The following CELF2 variants were observed in gnomAD, a reference collection of about 807,000 sequenced individuals.
CELF2 encodes CUG triplet repeat RNA-binding protein 2.
CELF2 carries 8 observed loss-of-function variants against 62.6 expected under a neutral mutation model. That is an observed-to-expected ratio of 0.13 (90% CI 0.07 to 0.23). CELF2 has a LOEUF of 0.23. CELF2 is among the 10% of genes least tolerant of loss of function. The pLI, the probability that CELF2 is intolerant of heterozygous loss-of-function variation, is 1.00. For missense variants in CELF2, 333 were observed against 671.0 expected (o/e 0.50, Z 5.56); for synonymous variants, 258 against 250.0 (o/e 1.03, Z -0.30).
chr10:11,228,590 A>C (rs2067393629), intron 3 of CELF2, among the ~76,000 whole-genome samples: 1 of 152,116 alleles, frequency 6.6e-6, no homozygotes. Flanking sequence ...CTGACTTACA[A>C]TTTACTAATA....
the CELF2 span, among the ~76,000 whole-genome samples, chr10:10,552,969 A>C: frequency 6.6e-6 from 1 of 152,140 alleles, no homozygotes; most frequent in Non-Finnish European, 1.5e-5. Context: ...TCCTCTCAGC[A>C]AGGGGGCATG....
intron 2 of CELF2, among the ~76,000 whole-genome samples, chr10:10,979,073 C>A (rs1331587609): frequency 6.6e-6 from 1 of 152,180 alleles, no homozygotes; most frequent in Admixed American, 6.5e-5. Flanking sequence ...TCCACCCCTG[C>A]CTCTCATTCT....
chr10:10,566,622 A>T, the CELF2 span, among the ~76,000 whole-genome samples: 8 of 144,838 alleles, frequency 5.5e-5, no homozygotes, highest in East Asian at 2.0e-4. Flanking sequence ...CCTGTGTCCA[A>T]GTGATCTCAT....
At chr10:10,581,883 T>C in the CELF2 span, among the ~76,000 whole-genome samples, 1 of 151,920 alleles carries the variant, frequency 6.6e-6, no homozygotes, top group African/African-American at 2.4e-5. Context: ...CAAAAATTAG[T>C]TGGGCATGGT....
chr10:11,262,434 C>T (rs573058337), intron 5 of CELF2, among the ~76,000 whole-genome samples: 49 of 152,318 alleles, frequency 3.2e-4, no homozygotes, highest in Non-Finnish European at 6.0e-4. Context: ...TTCAGCTCTG[C>T]CCACACAGTA....
chr10:11,312,034 GAGA>G (rs1360353713), intron 9 of CELF2, among the ~76,000 whole-genome samples: 13 of 152,124 alleles, frequency 8.5e-5, no homozygotes, highest in Non-Finnish European at 1.3e-4. Context: ...CAAAGACAAG[GAGA>G]AGATCTTTAA....
intron 2 of CELF2, among the ~76,000 whole-genome samples, chr10:10,992,994 G>T (rs1024357958): frequency 6.6e-6 from 1 of 152,130 alleles, no homozygotes; most frequent in Admixed American, 6.5e-5. Flanking sequence ...TATTCTTGTT[G>T]TCTCTGTCTC....
chr10:10,869,888 AT>A (rs2060627521), intron 1 of CELF2, among the ~76,000 whole-genome samples: 1 of 152,316 alleles, frequency 6.6e-6, no homozygotes, highest in South Asian at 2.1e-4. Context: ...GGCTGAGAGG[AT>A]TGCTTGAGCC....
At chr10:11,141,681 A>T (rs1338612504) in intron 1 of CELF2, among the ~76,000 whole-genome samples, 1 of 152,204 alleles carries the variant, frequency 6.6e-6, no homozygotes, top group East Asian at 1.9e-4. Context: ...CTAATCAATC[A>T]TTGCATGTTT....
At position 11,297,850 on chromosome 10, in the gene CELF2, G is replaced by A. The variant is rs1164942022; in HGVS notation, c.976+9298G>A. Among the ~76,000 whole-genome samples the A allele has an allele frequency of 1.3e-5, 2 of 151,988 alleles. No individual in the cohort carries two copies. The stretch of plus-strand genomic sequence containing the variant: ...ACAAAAATTAGCCGGGTATGGTGGT[G>A]CACACCTGTGGTTCCCAGCTACTCG... On this transcript the variant is annotated intron_variant, in intron 9 of 12. Coordinates refer to ENST00000633077, the MANE Select transcript of CELF2 (RefSeq NM_001326342.2). This position sits in a 1 kb window ranked among gnomAD's most constrained non-coding sequence, Gnocchi z 4.4.
intron 1 of CELF2, among the ~76,000 whole-genome samples, chr10:11,083,059 G>T (rs1236078607): frequency 6.6e-6 from 1 of 152,200 alleles, no homozygotes; most frequent in East Asian, 1.9e-4. Context: ...CATGAGGATG[G>T]ATCGTAACCC....
intron 3 of CELF2, among the ~76,000 whole-genome samples, chr10:11,235,906 T>C (rs1230227758): frequency 1.3e-5 from 2 of 152,212 alleles, no homozygotes; most frequent in African/African-American, 2.4e-5. Flanking sequence ...ATTACCCTAG[T>C]TATGTTTTCA....
intron 9 of CELF2, among the ~76,000 whole-genome samples, chr10:11,303,030 A>C (rs1381758000): frequency 6.6e-6 from 1 of 152,208 alleles, no homozygotes; most frequent in Non-Finnish European, 1.5e-5. Context: ...TGTCGGAGGC[A>C]TCTGCTTTCT....
chr10:11,213,203 G>A (rs954203325), intron 2 of CELF2, among the ~76,000 whole-genome samples: 6 of 152,178 alleles, frequency 3.9e-5, no homozygotes, highest in Non-Finnish European at 8.8e-5. Context: ...TGCATGGTGC[G>A]ACCACTGACC....
At chr10:10,846,135 T>C in intron 1 of CELF2, 2 of 984,896 alleles carry the variant, frequency 2.0e-6, no homozygotes, top group Non-Finnish European at 2.4e-6. Flanking sequence ...TTTGACGATA[T>C]TTGGGAACCT....
At chr10:10,825,956 A>G (rs560531103) in intron 1 of CELF2, among the ~76,000 whole-genome samples, 4 of 152,216 alleles carry the variant, frequency 2.6e-5, no homozygotes, top group East Asian at 1.9e-4. Context: ...TCTATATCCA[A>G]TGAGCGTATA....
intron 1 of CELF2, among the ~76,000 whole-genome samples, chr10:10,815,527 G>T (rs1342093559): frequency 6.6e-6 from 1 of 152,158 alleles, no homozygotes; most frequent in African/African-American, 2.4e-5. Context: ...CATTACAGAA[G>T]ACAGGCAGCA....
At chr10:11,151,773 A>G (rs556621866) in intron 1 of CELF2, among the ~76,000 whole-genome samples, 3 of 152,274 alleles carry the variant, frequency 2.0e-5, no homozygotes, top group Admixed American at 6.5e-5. Context: ...AAATAAGTAG[A>G]TAAGGGCTTT....
chr10:10,679,737 A>G, the CELF2 span, among the ~76,000 whole-genome samples: 3 of 152,204 alleles, frequency 2.0e-5, no homozygotes, highest in Admixed American at 2.0e-4. Flanking sequence ...TGTTACTTAT[A>G]TTACTCTTTT....
Sources: gnomAD v4.1 joint callset for allele counts (sites outside exome capture counted in the v4.1 genomes callset) on GRCh38, gnomAD v4.1.1 for gene constraint, Gnocchi (gnomAD v3.1) non-coding constraint, MANE v1.5 for transcripts, NCBI Gene and HGNC (gene_info 2026-07-23, HGNC 2026-07-21) for gene names.